Variants in ATP2C1 observed in about 807,000 individuals in gnomAD.
The protein encoded by ATP2C1 is calcium-transporting ATPase type 2C member 1.
Under a neutral mutation model 120.5 loss-of-function variants are expected in ATP2C1, and 31 were observed. The ratio of observed to expected loss-of-function variants is 0.26; its 90% confidence interval spans 0.19 to 0.35. ATP2C1 has a LOEUF of 0.35. Ranked by LOEUF, ATP2C1 falls within the 10% of genes least tolerant of loss-of-function variation. The pLI is 1.00. For missense variants in ATP2C1, 731 were observed against 1,107.5 expected (o/e 0.66, Z 4.83); for synonymous variants, 351 against 358.7 (o/e 0.98, Z 0.24).
chr3:130,934,608 GT>G lies in ATP2C1; in HGVS notation c.235-9del. 1 of 1,579,070 alleles carries G rather than the reference GT, an allele frequency of 6.3e-7. No homozygotes were observed. The highest frequency in any genetic ancestry group is 8.7e-7 in the Non-Finnish European group (1 of 1,149,048). On this transcript the variant is annotated splice_polypyrimidine_tract_variant and intron_variant, in intron 4 of 27. Transcript: ENST00000510168. ...ACAAAACTGTGTTGAATTGCTGTTT[GT>G]TTTTACTTTCAGTTTAAAAATCCCC...
At chr3:130,972,821 T>C (rs901467177) in intron 17 of ATP2C1, among the ~76,000 whole-genome samples, 5 of 151,940 alleles carry the variant, frequency 3.3e-5, no homozygotes, top group Non-Finnish European at 7.4e-5. Flanking sequence ...TGCATAGTAT[T>C]CCATGGTGTA....
At chr3:130,882,940 A>G (rs1157525621) in intron 1 of ATP2C1, among the ~76,000 whole-genome samples, 1 of 152,066 alleles carries the variant, frequency 6.6e-6, no homozygotes, top group Admixed American at 6.6e-5. Flanking sequence ...TTCACCTTTA[A>G]ATGTTTGGTA....
chr3:130,902,977 C>G (rs1240913412), intron 2 of ATP2C1, among the ~76,000 whole-genome samples: 1 of 151,910 alleles, frequency 6.6e-6, no homozygotes. Flanking sequence ...GTGGCATTCT[C>G]ATTTTTAGGG....
intron 17 of ATP2C1, 145 bp downstream of exon 17, chr3:130,969,541 T>G: frequency 2.9e-6 from 2 of 689,580 alleles, no homozygotes; most frequent in Non-Finnish European, 5.3e-6. Context: ...CACTCATCTC[T>G]TAATTGTTTG....
rs1268562975 is a variant in ATP2C1 at position 130,894,708 on chromosome 3, T to C, written c.-62T>C. The C allele has an allele frequency of 1.9e-6, 3 of 1,613,950 alleles. No individual in the cohort carries two copies. The highest frequency in any genetic ancestry group is 1.7e-5 in the Admixed American group (1 of 60,000). ...CTCCTCCTCTCCTCTCTATTCCCAG[T>C]GTGGCCGTGGCTGACACTAAAGACT... On this transcript the variant is annotated 5_prime_UTR_variant, in exon 2 of 28. Transcript: ENST00000510168. This position sits in a 1 kb window ranked among gnomAD's most constrained non-coding sequence, Gnocchi z 4.5.
Position 130,941,673 on chromosome 3 carries a change from G to A in ATP2C1, c.505G>A (p.Val169Ile). 6.2e-7 allele frequency: 1 copy of A among 1,614,006 alleles called. No homozygotes were observed. Among genetic ancestry groups the A allele is most frequent in the Non-Finnish European group, 8.5e-7 (1 of 1,179,954 alleles). ...DTVCLSVGDR[V>I]PADLRLFEAV... ...AGTTTGCCTTTCTGTTGGGGATAGA[G>A]TTCCTGCTGACTTACGCTTGTTTGA... Residue 169 changes from valine to isoleucine, a missense_variant, in exon 8 of 28, where the codon GTT becomes ATT. Physicochemically the swap from Val to Ile is conservative, Grantham distance 29. This residue lies in a region of ATP2C1 where 571 missense variants were observed against 845.9 expected (regional missense o/e 0.67). Coordinates refer to ENST00000510168, the MANE Select transcript of ATP2C1 (RefSeq NM_001378687.1).
intron 5 of ATP2C1, among the ~76,000 whole-genome samples, chr3:130,935,666 A>T (rs2059635440): frequency 6.6e-6 from 1 of 152,190 alleles, no homozygotes; most frequent in Non-Finnish European, 1.5e-5. Context: ...TTTGGCATTA[A>T]TGGCACAAAA....
chr3:130,872,261 T>C (rs1165159914), intron 1 of ATP2C1, among the ~76,000 whole-genome samples: 2 of 152,120 alleles, frequency 1.3e-5, no homozygotes, highest in African/African-American at 4.8e-5. Flanking sequence ...AAAACCCTCA[T>C]TTTTTCCCTA....
intron 2 of ATP2C1, among the ~76,000 whole-genome samples, chr3:130,909,347 T>A (rs1388644581): frequency 6.6e-6 from 1 of 152,200 alleles, no homozygotes; most frequent in Non-Finnish European, 1.5e-5. Flanking sequence ...TGATGCTGGT[T>A]CTGTCTTTAG....
At chr3:130,999,770 T>G in intron 27 of ATP2C1, 111 bp downstream of exon 27, 1 of 1,075,246 alleles carries the variant, frequency 9.3e-7, no homozygotes, top group Non-Finnish European at 1.3e-6. Context: ...GTAACTCACT[T>G]GATTTGAAAA....
chr3:130,935,877 CTT>C (rs937990865), intron 5 of ATP2C1, among the ~76,000 whole-genome samples: 146 of 152,268 alleles, frequency 9.6e-4, no homozygotes, highest in African/African-American at 3.0e-3. Context: ...GCATGAAACT[CTT>C]TTGTATATTG....
intron 26 of ATP2C1, 75 bp from the exon 27 acceptor site, chr3:130,999,443 A>G: frequency 2.2e-5 from 33 of 1,478,696 alleles, no homozygotes; most frequent in Non-Finnish European, 3.1e-5. Context: ...CTTGTTAAAA[A>G]TTAGAAGTGA....
chr3:130,914,312 T>G (rs2058583246), intron 2 of ATP2C1: 1 of 151,662 alleles, frequency 6.6e-6, no homozygotes. Flanking sequence ...GCCATATAGG[T>G]TTTTTTGTTT....
intron 1 of ATP2C1, among the ~76,000 whole-genome samples, chr3:130,882,528 C>T (rs184889509): frequency 6.6e-6 from 1 of 152,216 alleles, no homozygotes; most frequent in African/African-American, 2.4e-5. Context: ...AGATATGTTC[C>T]TTCTCTACCT....
At chr3:130,997,580 A>C (rs1179396657) in intron 24 of ATP2C1, 26 bp from the exon 25 acceptor site, 1 of 1,608,894 alleles carries the variant, frequency 6.2e-7, no homozygotes, top group Non-Finnish European at 8.5e-7. Context: ...ACTTGAAAGT[A>C]ATTTATTTTT....
At chr3:130,990,435 T>A (rs1407946115) in intron 20 of ATP2C1, among the ~76,000 whole-genome samples, 2 of 152,078 alleles carry the variant, frequency 1.3e-5, no homozygotes, top group Non-Finnish European at 2.9e-5. Context: ...GGGCAGAGGC[T>A]GGAAGTGAGT....
Position 130,883,030 on chromosome 3 carries a change from G to T in ATP2C1, c.108+32102G>T, listed in dbSNP as rs574884940. 5.3e-5 allele frequency among the ~76,000 whole-genome samples: 8 copies of T among 152,186 alleles called. No individual in the cohort carries two copies. The East Asian group carries it at 1.3e-3, about 26-fold the overall frequency. ...TATTATGGCTTCAATCTTGTTACTT[G>T]TTACTGTTCAGGCTTTGGATTTCTT... is the stretch of plus-strand genomic sequence containing the variant. On this transcript the variant is annotated intron_variant, in intron 1 of 26. Transcript: ENST00000504381.
intron 1 of ATP2C1, among the ~76,000 whole-genome samples, chr3:130,866,392 G>C (rs546099969): frequency 1.3e-5 from 2 of 152,234 alleles, no homozygotes; most frequent in East Asian, 3.9e-4. Flanking sequence ...TTATTTGTTT[G>C]AGAAACCCAG....
At chr3:130,882,508 T>C (rs2068817516) in intron 1 of ATP2C1, among the ~76,000 whole-genome samples, 1 of 152,150 alleles carries the variant, frequency 6.6e-6, no homozygotes, top group South Asian at 2.1e-4. Flanking sequence ...GCACAACTTT[T>C]ATTATGTTGA....
Sources: allele counts gnomAD v4.1 joint callset (sites outside exome capture counted in the v4.1 genomes callset), GRCh38; gene constraint gnomAD v4.1.1; regional missense constraint gnomAD v4.1.1; non-coding constraint Gnocchi (gnomAD v3.1); transcripts MANE v1.5; gene names NCBI Gene and HGNC (gene_info 2026-07-23, HGNC 2026-07-21).